The following SNTG2 variants were observed in gnomAD, a reference collection of about 807,000 sequenced individuals.
SNTG2 encodes gamma-2-syntrophin.
A neutral mutation model predicts 70.9 loss-of-function variants in SNTG2; 74 were observed. The observed-to-expected ratio is 1.04, with a 90% confidence interval of 0.86 to 1.27. SNTG2 has a LOEUF of 1.27. Among genes scored for constraint, SNTG2 ranks in the 50% most tolerant of loss-of-function variants. The pLI, the probability that SNTG2 is intolerant of heterozygous loss-of-function variation, is 0.00. For missense variants in SNTG2, 717 were observed against 690.7 expected (o/e 1.04, Z -0.43); for synonymous variants, 278 against 273.8 (o/e 1.02, Z -0.15).
intron 14 of SNTG2, among the ~76,000 whole-genome samples, chr2:1,301,547 C>G (rs1273070558): frequency 6.6e-6 from 1 of 152,104 alleles, no homozygotes; most frequent in African/African-American, 2.4e-5. Context: ...TACAATTAAG[C>G]TCATGAAAAC....
intron 16 of SNTG2, among the ~76,000 whole-genome samples, chr2:1,337,057 TC>T (rs1383717772): frequency 6.6e-6 from 1 of 152,180 alleles, no homozygotes; most frequent in East Asian, 1.9e-4. Flanking sequence ...TAGTTTCTTT[TC>T]TTTTTTAGGT....
chr2:1,178,159 T>G (rs1671609405), intron 8 of SNTG2, among the ~76,000 whole-genome samples: 1 of 152,320 alleles, frequency 6.6e-6, no homozygotes, highest in South Asian at 2.1e-4. Context: ...TGCTGTGCAG[T>G]GAGTTGACCA....
intron 4 of SNTG2, among the ~76,000 whole-genome samples, chr2:1,125,823 CAGT>C (rs1667664522): frequency 6.6e-6 from 1 of 151,960 alleles, no homozygotes; most frequent in Non-Finnish European, 1.5e-5. Context: ...CAGAAGTAGA[CAGT>C]AGGGTGTGGT....
At chr2:1,127,141 AAGTG>A (rs1460395819) in intron 4 of SNTG2, among the ~76,000 whole-genome samples, 4 of 152,028 alleles carry the variant, frequency 2.6e-5, no homozygotes, top group Non-Finnish European at 4.4e-5. Context: ...TTTTTATACA[AAGTG>A]AGAGATGGGA....
At chr2:1,169,091 A>T (rs1388330937) in intron 7 of SNTG2, among the ~76,000 whole-genome samples, 1 of 152,136 alleles carries the variant, frequency 6.6e-6, no homozygotes, top group East Asian at 1.9e-4. Flanking sequence ...ATGGGGGAGG[A>T]GGACTCACTT....
At position 1,221,931 on chromosome 2, in the gene SNTG2, CTCTGTCTCTG is replaced by C. The variant is rs1247155657; in HGVS notation, c.719+12715_719+12724del. On this transcript the variant is annotated intron_variant, in intron 9 of 16. Coordinates refer to ENST00000308624, the MANE Select transcript of SNTG2 (RefSeq NM_018968.4). ...TCTGTCTCTGTCTCTCTCTGTCTCT[CTCTGTCTCTG>C]TCTGTCTCTGTCTCTGTCTCTCTCT... Among the ~76,000 whole-genome samples the C allele has an allele frequency of 9.0e-4, 18 of 19,988 alleles. 5 individuals carry two copies. Among genetic ancestry groups the C allele is most frequent in the Non-Finnish European group, 1.6e-3 (15 of 9,296 alleles). The allele number at this position is 19,988 out of a possible 152,430, so 13.1% of individuals were successfully genotyped here.
At chr2:1,139,227 T>TG (rs1437921661) in intron 6 of SNTG2, among the ~76,000 whole-genome samples, 1 of 152,114 alleles carries the variant, frequency 6.6e-6, no homozygotes, top group African/African-American at 2.4e-5. Flanking sequence ...TTTGTTTGTT[T>TG]GTTTTGTTTC....
intron 1 of SNTG2, among the ~76,000 whole-genome samples, chr2:1,020,760 C>T (rs1660121165): frequency 6.6e-6 from 1 of 152,146 alleles, no homozygotes; most frequent in Non-Finnish European, 1.5e-5. Context: ...CAGGAAGTCC[C>T]ATTATTCATG....
At chr2:1,365,004 C>T (rs2148325460) in intron 16 of SNTG2, among the ~76,000 whole-genome samples, 1 of 152,170 alleles carries the variant, frequency 6.6e-6, no homozygotes, top group East Asian at 1.9e-4. Flanking sequence ...TCAGTAATTG[C>T]TATTTGGAAA....
chr2:1,357,076 A>C (rs2148314079), intron 16 of SNTG2, among the ~76,000 whole-genome samples: 1 of 152,186 alleles, frequency 6.6e-6, no homozygotes, highest in East Asian at 1.9e-4. Flanking sequence ...TGGAATCTTT[A>C]GGGTTATCTA....
chr2:1,232,460 G>A (rs1029316481), intron 9 of SNTG2, among the ~76,000 whole-genome samples: 1 of 151,984 alleles, frequency 6.6e-6, no homozygotes, highest in East Asian at 1.9e-4. Flanking sequence ...ACCATGCCTG[G>A]CTATGTTTTG....
chr2:1,239,219 A>G (rs1676886717), intron 10 of SNTG2, among the ~76,000 whole-genome samples: 1 of 152,202 alleles, frequency 6.6e-6, no homozygotes, highest in South Asian at 2.1e-4. Context: ...AGACACCCCA[A>G]TATTTCAGAA....
At chr2:1,071,097 A>G (rs1328637592) in intron 1 of SNTG2, among the ~76,000 whole-genome samples, 2 of 152,194 alleles carry the variant, frequency 1.3e-5, no homozygotes, top group East Asian at 1.9e-4. Context: ...TGTTTAAGTG[A>G]AAGGAAGAGT....
intron 2 of SNTG2, among the ~76,000 whole-genome samples, chr2:1,084,820 C>T (rs1664574267): frequency 6.6e-6 from 1 of 152,164 alleles, no homozygotes; most frequent in Non-Finnish European, 1.5e-5. Context: ...ATCACTGTGT[C>T]CTTGGGTGGC....
chr2:1,183,886 TCAAA>T (rs1463661898), intron 8 of SNTG2, among the ~76,000 whole-genome samples: 1 of 152,160 alleles, frequency 6.6e-6, no homozygotes, highest in Non-Finnish European at 1.5e-5. Flanking sequence ...TTTTTTTTTC[TCAAA>T]CAAATATAAG....
Position 1,357,232 on chromosome 2 carries a change from G to A in SNTG2, c.1489-10111G>A, listed in dbSNP as rs1360818275. 1.3e-5 allele frequency among the ~76,000 whole-genome samples: 2 copies of A among 152,148 alleles called. 1 individual carries two copies. Reference sequence around the variant, plus strand: ...AGGGGCAAAAGTGGGCATAATCTTAGAGAAAAAGATTTCAGCCTCTCACCA... The same window carrying A: ...AGGGGCAAAAGTGGGCATAATCTTAAAGAAAAAGATTTCAGCCTCTCACCA... On this transcript the variant is annotated intron_variant, in intron 16 of 16. Coordinates refer to ENST00000308624, the MANE Select transcript of SNTG2 (RefSeq NM_018968.4).
chr2:1,038,292 A>C (rs1282319269), intron 1 of SNTG2, among the ~76,000 whole-genome samples: 2 of 152,310 alleles, frequency 1.3e-5, no homozygotes, highest in East Asian at 3.9e-4. Flanking sequence ...TTTGGGCAAG[A>C]TTCATTTTCT....
chr2:1,340,348 C>T (rs1660024357), intron 16 of SNTG2, among the ~76,000 whole-genome samples: 1 of 152,198 alleles, frequency 6.6e-6, no homozygotes, highest in Non-Finnish European at 1.5e-5. Flanking sequence ...CACCCAACAG[C>T]CCGATTACAA....
At chr2:1,338,549 G>T (rs146334033) in intron 16 of SNTG2, among the ~76,000 whole-genome samples, 2 of 151,988 alleles carry the variant, frequency 1.3e-5, no homozygotes, top group South Asian at 2.1e-4. Context: ...CCCCAGCTCC[G>T]GGTAACCTCT....
Sources: allele counts gnomAD v4.1 joint callset (sites outside exome capture counted in the v4.1 genomes callset), GRCh38; gene constraint gnomAD v4.1.1; transcripts MANE v1.5; gene names NCBI Gene and HGNC (gene_info 2026-07-23, HGNC 2026-07-21).